PDE11A: variants seen among roughly 807,000 people sequenced by gnomAD.
PDE11A encodes dual 3',5'-cyclic-AMP and -GMP phosphodiesterase 11A.
Under a neutral mutation model 100.5 loss-of-function variants are expected in PDE11A, and 100 were observed. That is an observed-to-expected ratio of 1.00 (90% CI 0.85 to 1.18). The LOEUF is 1.18. PDE11A is among the 50% of genes most tolerant of loss of function. PDE11A has a pLI of 0.00. For missense variants in PDE11A, 1,141 were observed against 1,152.6 expected (o/e 0.99, Z 0.15); for synonymous variants, 381 against 420.8 (o/e 0.91, Z 1.16).
At chr2:177,789,554 G>A (rs912360207) in intron 9 of PDE11A, among the ~76,000 whole-genome samples, 16 of 151,676 alleles carry the variant, frequency 1.1e-4, no homozygotes, top group African/African-American at 3.9e-4. Context: ...TTAGGCAGAA[G>A]AAGGAAATAA....
intron 1 of PDE11A, among the ~76,000 whole-genome samples, chr2:178,052,980 T>A (rs1270147046): frequency 6.6e-6 from 1 of 151,994 alleles, no homozygotes; most frequent in African/African-American, 2.4e-5. Context: ...TTCCAATCAA[T>A]AGAAAAAGAG....
intron 2 of PDE11A, among the ~76,000 whole-genome samples, chr2:177,999,546 T>C (rs1303525752): frequency 6.6e-6 from 1 of 152,160 alleles, no homozygotes; most frequent in African/African-American, 2.4e-5. Flanking sequence ...GTATACCAAA[T>C]AACCAAGCAC....
intron 5 of PDE11A, among the ~76,000 whole-genome samples, chr2:177,843,445 A>G (rs149772628): frequency 9.5e-4 from 145 of 152,374 alleles, no homozygotes; most frequent in African/African-American, 3.3e-3. Context: ...GACTTTAGTC[A>G]CAGGAACAGG....
intron 14 of PDE11A, 76 bp from the exon 15 acceptor site, chr2:177,697,508 A>G: frequency 1.3e-6 from 1 of 791,998 alleles, no homozygotes; most frequent in Non-Finnish European, 2.3e-6. Context: ...CTCTATTTAA[A>G]AAAAAGTCTG....
intron 1 of PDE11A, among the ~76,000 whole-genome samples, chr2:178,060,497 T>C (rs550881205): frequency 1.1e-3 from 163 of 152,274 alleles, no homozygotes; most frequent in African/African-American, 3.7e-3. Context: ...ACTTTTCAGG[T>C]TTAATCTTGG....
chr2:177,863,132 G>T (rs1413089590), intron 5 of PDE11A, among the ~76,000 whole-genome samples: 1 of 151,820 alleles, frequency 6.6e-6, no homozygotes, highest in African/African-American at 2.4e-5. Flanking sequence ...ATTTCCAAAT[G>T]CAAAAGAAGG....
chr2:177,901,188 G>A (rs932031448), intron 3 of PDE11A, among the ~76,000 whole-genome samples: 8 of 152,062 alleles, frequency 5.3e-5, no homozygotes, highest in South Asian at 2.1e-4. Context: ...TGCAGACCCC[G>A]TACCTGATGG....
At chr2:177,863,749 G>A (rs1246100322) in intron 5 of PDE11A, among the ~76,000 whole-genome samples, 1 of 151,986 alleles carries the variant, frequency 6.6e-6, no homozygotes, top group Non-Finnish European at 1.5e-5. Flanking sequence ...TGGGAATATA[G>A]ATTGGTACAA....
chr2:177,922,879 A>G, intron 2 of PDE11A: 1 of 939,426 alleles, frequency 1.1e-6, no homozygotes, highest in African/African-American at 1.8e-5. Context: ...TGTACAACTA[A>G]GTTGTATACC....
intron 6 of PDE11A, among the ~76,000 whole-genome samples, chr2:177,838,584 T>C (rs901399070): frequency 6.6e-6 from 1 of 152,126 alleles, no homozygotes; most frequent in Non-Finnish European, 1.5e-5. Flanking sequence ...TTTGGGAAGA[T>C]GGCAGTCAGA....
intron 2 of PDE11A, among the ~76,000 whole-genome samples, chr2:178,010,775 T>C (rs893583581): frequency 1.3e-5 from 2 of 152,170 alleles, no homozygotes; most frequent in African/African-American, 4.8e-5. Context: ...TGGACGCATA[T>C]GTAAGAAATA....
At chr2:178,071,376 T>G in intron 1 of PDE11A, 150 bp downstream of exon 1, 1 of 885,248 alleles carries the variant, frequency 1.1e-6, no homozygotes, top group Non-Finnish European at 1.7e-6. Flanking sequence ...CGTAGTAACA[T>G]TCTAACTAGT....
intron 9 of PDE11A, among the ~76,000 whole-genome samples, chr2:177,786,384 C>A (rs985859277): frequency 6.6e-6 from 1 of 152,020 alleles, no homozygotes; most frequent in Non-Finnish European, 1.5e-5. Flanking sequence ...AAAAACCCAT[C>A]TGTACATCAC....
At chr2:177,654,943 A>T (rs1436583946) in intron 19 of PDE11A, among the ~76,000 whole-genome samples, 5 of 152,216 alleles carry the variant, frequency 3.3e-5, no homozygotes, top group Admixed American at 2.6e-4. Flanking sequence ...TCTCTAAAAA[A>T]ACTATAAAGT....
intron 1 of PDE11A, among the ~76,000 whole-genome samples, chr2:178,021,501 C>T (rs1228319973): frequency 2.0e-5 from 3 of 151,836 alleles, no homozygotes; most frequent in Non-Finnish European, 2.9e-5. Context: ...CAAATTGAGG[C>T]ATAAATGAAT....
At chr2:177,723,315 G>T (rs1406221809) in intron 12 of PDE11A, 1 of 152,128 alleles carries the variant, frequency 6.6e-6, no homozygotes, top group Non-Finnish European at 1.5e-5. Flanking sequence ...CACAAATATG[G>T]ATTTAAACAC....
At chr2:177,648,504 C>G (rs13000926) in intron 19 of PDE11A, among the ~76,000 whole-genome samples, 118,820 of 152,110 alleles carry the variant, frequency 0.78, 47,115 homozygotes, top group East Asian at 0.9. Flanking sequence ...CTCGAACATT[C>G]ACCATGTAAA....
At position 177,680,838 on chromosome 2, in the gene PDE11A, C is replaced by T. The variant is rs75127279; in HGVS notation, c.2411G>A (p.Arg804His). The T allele has an allele frequency of 0.02, 31,275 of 1,568,116 alleles. 443 individuals are homozygous for T. The highest frequency in any genetic ancestry group is 0.037 in the South Asian group (3,278 of 89,720). ...GEYDWNIKNHRDIFRSMLMTA... is the reference protein window; with the variant it reads ...GEYDWNIKNHHDIFRSMLMTA... ...AGCTTTTTCTTACCGAAATATATCACGATGGTTTTTGATGTTCCAATCGTA... is the reference window on the plus strand; with the variant it reads ...AGCTTTTTCTTACCGAAATATATCATGATGGTTTTTGATGTTCCAATCGTA... The change falls in exon 16 of 20, where the codon CGT (arginine) becomes CAT (histidine). Residue 804 changes from arginine to histidine, a missense_variant. Coordinates refer to ENST00000286063, the MANE Select transcript of PDE11A (RefSeq NM_016953.4).
At chr2:177,715,320 G>T (rs1032895039) in intron 12 of PDE11A, among the ~76,000 whole-genome samples, 1 of 152,032 alleles carries the variant, frequency 6.6e-6, no homozygotes, top group Non-Finnish European at 1.5e-5. Flanking sequence ...CTTTCTTTTA[G>T]AATTTCCTCT....
Sources: gnomAD v4.1 joint callset for allele counts (sites outside exome capture counted in the v4.1 genomes callset) on GRCh38, gnomAD v4.1.1 for gene constraint, MANE v1.5 for transcripts, NCBI Gene and HGNC (gene_info 2026-07-23, HGNC 2026-07-21) for gene names.